The following LIMCH1 variants were observed in gnomAD, a reference collection of about 807,000 sequenced individuals.
The protein encoded by LIMCH1 is LIM and calponin homology domains-containing protein 1.
A neutral mutation model predicts 176.5 loss-of-function variants in LIMCH1; 113 were observed. The ratio of observed to expected loss-of-function variants is 0.64; its 90% confidence interval spans 0.55 to 0.75. LIMCH1 has a LOEUF of 0.75. Among genes scored for constraint, LIMCH1 ranks in the 30% least tolerant of loss-of-function variants. The pLI, the probability that LIMCH1 is intolerant of heterozygous loss-of-function variation, is 0.00. For synonymous variants in LIMCH1, 619 were observed against 645.9 expected (o/e 0.96, Z 0.63); for missense variants, 1,674 against 1,814.9 (o/e 0.92, Z 1.41).
chr4:41,370,328 A>G (rs1298454438), intron 1 of LIMCH1, among the ~76,000 whole-genome samples: 1 of 152,164 alleles, frequency 6.6e-6, no homozygotes, highest in African/African-American at 2.4e-5. Context: ...AAAGAAATGG[A>G]AGAATTTTTA....
chr4:41,448,808 G>C (rs1223932631), intron 1 of LIMCH1, among the ~76,000 whole-genome samples: 1 of 152,016 alleles, frequency 6.6e-6, no homozygotes. Flanking sequence ...GCATCTGTAG[G>C]CTGATACGGT....
At chr4:41,417,781 C>A (rs942424945) in intron 1 of LIMCH1, among the ~76,000 whole-genome samples, 4 of 152,228 alleles carry the variant, frequency 2.6e-5, no homozygotes, top group African/African-American at 9.6e-5. Flanking sequence ...ACCTCAGCCT[C>A]CCAAAATGCT....
intron 1 of LIMCH1, among the ~76,000 whole-genome samples, chr4:41,589,316 G>A (rs1303662211): frequency 1.3e-5 from 2 of 152,202 alleles, no homozygotes; most frequent in African/African-American, 2.4e-5. Flanking sequence ...GGCCCTGGCA[G>A]GAGCTCACCT....
chr4:41,460,481 T>TATA (rs1491443711), intron 1 of LIMCH1, among the ~76,000 whole-genome samples: 4 of 145,414 alleles, frequency 2.8e-5, no homozygotes, highest in Non-Finnish European at 3.0e-5. Flanking sequence ...TATATATATC[T>TATA]TATAATATCA....
At chr4:41,457,030 G>T (rs1582506979) in intron 1 of LIMCH1, among the ~76,000 whole-genome samples, 1 of 152,230 alleles carries the variant, frequency 6.6e-6, no homozygotes, top group South Asian at 2.1e-4. Flanking sequence ...GGCACAAAGG[G>T]AAATTCTACT....
chr4:41,410,441 G>A (rs138905580), intron 1 of LIMCH1, among the ~76,000 whole-genome samples: 45 of 152,258 alleles, frequency 3.0e-4, no homozygotes, highest in African/African-American at 9.9e-4. Flanking sequence ...TGTCATTGGC[G>A]TCGTAGGAAA....
chr4:41,654,141 A>G (rs1284833702), intron 18 of LIMCH1, among the ~76,000 whole-genome samples: 1 of 152,090 alleles, frequency 6.6e-6, no homozygotes, highest in Non-Finnish European at 1.5e-5. Flanking sequence ...GGGACTCATG[A>G]CTTAGGATGG....
intron 7 of LIMCH1, among the ~76,000 whole-genome samples, chr4:41,625,760 G>GACC (rs2092909774): frequency 6.6e-6 from 1 of 152,160 alleles, no homozygotes; most frequent in Admixed American, 6.5e-5. Context: ...ATGCACAAGG[G>GACC]ACCAGATTCT....
intron 2 of LIMCH1, among the ~76,000 whole-genome samples, chr4:41,520,126 T>G (rs568874203): frequency 6.6e-6 from 1 of 152,322 alleles, no homozygotes; most frequent in African/African-American, 2.4e-5. Flanking sequence ...ATTATCTCAG[T>G]CTCTGTTTTA....
At chr4:41,577,583 C>A (rs916625717) in intron 1 of LIMCH1, among the ~76,000 whole-genome samples, 4 of 152,058 alleles carry the variant, frequency 2.6e-5, no homozygotes, top group African/African-American at 9.7e-5. Context: ...GTATGTGCCA[C>A]CACACCCGGC....
chr4:41,655,140 A>T (rs537416821), intron 18 of LIMCH1, among the ~76,000 whole-genome samples: 2 of 152,318 alleles, frequency 1.3e-5, no homozygotes, highest in South Asian at 4.1e-4. Context: ...TTATATTTGT[A>T]TCTGAAGCTC....
intron 1 of LIMCH1, among the ~76,000 whole-genome samples, chr4:41,454,625 C>T (rs2064308957): frequency 6.6e-6 from 1 of 152,078 alleles, no homozygotes; most frequent in Non-Finnish European, 1.5e-5. Flanking sequence ...AAACAGTCCC[C>T]TGAGTATGTG....
intron 4 of LIMCH1, among the ~76,000 whole-genome samples, chr4:41,608,949 A>G (rs1421916899): frequency 1.3e-5 from 2 of 152,088 alleles, no homozygotes; most frequent in African/African-American, 4.8e-5. Flanking sequence ...CATCCCCAGG[A>G]TTACTTGCTT....
At chr4:41,449,413 C>T (rs1298924092) in intron 1 of LIMCH1, among the ~76,000 whole-genome samples, 1 of 152,172 alleles carries the variant, frequency 6.6e-6, no homozygotes, top group Non-Finnish European at 1.5e-5. Flanking sequence ...CTCCTTTTCC[C>T]CTTAACAGCT....
chr4:41,402,745 A>G (rs971375240), intron 1 of LIMCH1, among the ~76,000 whole-genome samples: 12 of 147,528 alleles, frequency 8.1e-5, no homozygotes, highest in African/African-American at 1.3e-4. Flanking sequence ...CAAACACCGC[A>G]TGTTCTCACT....
At chr4:41,409,652 G>A (rs2059304154) in intron 1 of LIMCH1, among the ~76,000 whole-genome samples, 2 of 152,284 alleles carry the variant, frequency 1.3e-5, no homozygotes, top group Admixed American at 6.5e-5. Context: ...AAATTGTGCT[G>A]ACATTGACTT....
intron 1 of LIMCH1, among the ~76,000 whole-genome samples, chr4:41,575,400 T>C (rs921337363): frequency 3.9e-5 from 6 of 152,212 alleles, no homozygotes; most frequent in African/African-American, 1.4e-4. Flanking sequence ...CAAGTTTGAA[T>C]TTTTTTAAAC....
At chr4:41,572,124 C>T (rs1478599839) in intron 1 of LIMCH1, among the ~76,000 whole-genome samples, 1 of 152,098 alleles carries the variant, frequency 6.6e-6, no homozygotes, top group Non-Finnish European at 1.5e-5. Context: ...GAAAAAGAAA[C>T]GTTAGCTGCT....
Position 41,448,535 on chromosome 4 carries a change from ATT to A in LIMCH1, c.97-45990_97-45989del, listed in dbSNP as rs397880864. On this transcript the variant is annotated intron_variant, in intron 1 of 26. Coordinates refer to the LIMCH1 transcript ENST00000313860. ...GTGCGTAAGGAAGCACAATTCATTAATTTTTTTTTTTTAAAGATTTTTTTGGT... is the reference window on the plus strand; with the variant it reads ...GTGCGTAAGGAAGCACAATTCATTAATTTTTTTTTTAAAGATTTTTTTGGT... Among the ~76,000 whole-genome samples the A allele has an allele frequency of 1.4e-3, 212 of 149,268 alleles. 2 individuals are homozygous for A. Among genetic ancestry groups the A allele is most frequent in the African/African-American group, 4.7e-3 (194 of 41,056 alleles).
Sources: allele counts gnomAD v4.1 joint callset (sites outside exome capture counted in the v4.1 genomes callset), GRCh38; gene constraint gnomAD v4.1.1; transcripts MANE v1.5; gene names NCBI Gene and HGNC (gene_info 2026-07-23, HGNC 2026-07-21).